Variants in IMMP2L observed in about 807,000 individuals in gnomAD.
IMMP2L encodes mitochondrial inner membrane protease subunit 2.
In IMMP2L, 18 loss-of-function variants were observed where a neutral mutation model predicts 19.3. The ratio of observed to expected loss-of-function variants is 0.93; its 90% CI spans 0.64 to 1.38. The LOEUF (loss-of-function observed/expected upper bound fraction) is 1.38, where lower values mean the gene tolerates loss of function less well. Among genes scored for constraint, IMMP2L ranks in the 40% most tolerant of loss-of-function variants. IMMP2L has a pLI of 0.00. For missense variants in IMMP2L, 233 were observed against 218.2 expected (o/e 1.07, Z -0.43); for synonymous variants, 76 against 73.0 (o/e 1.04, Z -0.21).
At chr7:111,232,307 A>G (rs148374543) in intron 3 of IMMP2L, among the ~76,000 whole-genome samples, 1 of 152,016 alleles carries the variant, frequency 6.6e-6, no homozygotes, top group East Asian at 1.9e-4. Flanking sequence ...ACAAACACCA[A>G]TAAAAATAGC....
intron 3 of IMMP2L, among the ~76,000 whole-genome samples, chr7:111,206,712 C>T (rs1018962506): frequency 7.9e-5 from 12 of 152,166 alleles, no homozygotes; most frequent in Admixed American, 3.3e-4. Flanking sequence ...ACTACAGTCA[C>T]TCTATTGTGC....
At chr7:111,433,452 G>A (rs1836837808) in intron 3 of IMMP2L, among the ~76,000 whole-genome samples, 1 of 151,778 alleles carries the variant, frequency 6.6e-6, no homozygotes, top group African/African-American at 2.4e-5. Context: ...TGATGAGGAA[G>A]ACATGAAAGC....
intron 5 of IMMP2L, among the ~76,000 whole-genome samples, chr7:110,868,171 G>C (rs1808182333): frequency 7.1e-6 from 1 of 140,252 alleles, no homozygotes; most frequent in Non-Finnish European, 1.5e-5. Context: ...CAGTGATACG[G>C]AGAGACAAGC....
At chr7:111,270,057 CTGTGTGTGTGTGTGTGTG>C (rs58848663) in intron 3 of IMMP2L, among the ~76,000 whole-genome samples, 1 of 140,520 alleles carries the variant, frequency 7.1e-6, no homozygotes, top group Non-Finnish European at 1.6e-5. Flanking sequence ...GCATGTGTGT[CTGTGTGTGTGTGTGTGTG>C]TGTGTGTGTG....
rs34795971 is a variant in IMMP2L, at chr7:111,217,097, GTCTCTCTC to G, written c.240-253540_240-253533del. Among the ~76,000 whole-genome samples, 53 of 126,880 alleles carry G rather than the reference GTCTCTCTC, an allele frequency of 4.2e-4. 1 individual carries two copies. Among genetic ancestry groups the G allele is most frequent in the East Asian group, 2.1e-3 (9 of 4,322 alleles). The allele number at this position is 126,880 out of a possible 152,430, so 83.2% of individuals were successfully genotyped here. A position where few individuals can be genotyped will look rare whatever the true frequency, so the allele number is the denominator to read the frequency against. ...TTCTGATCTCTCTCTCTCTCCCTCCGTCTCTCTCTCTCTCTCTCTCTCTCTCTCTCACA... is the reference window on the plus strand; with the variant it reads ...TTCTGATCTCTCTCTCTCTCCCTCCGTCTCTCTCTCTCTCTCTCTCTCACA... On this transcript the variant is annotated intron_variant, in intron 3 of 5. Transcript: ENST00000405709.
At chr7:111,029,367 C>T (rs935766663) in intron 3 of IMMP2L, among the ~76,000 whole-genome samples, 1 of 152,002 alleles carries the variant, frequency 6.6e-6, no homozygotes, top group Non-Finnish European at 1.5e-5. Flanking sequence ...GTGGTTGGGC[C>T]CTCTAGGGAA....
chr7:111,012,047 T>A (rs1019103313), intron 3 of IMMP2L, among the ~76,000 whole-genome samples: 2 of 152,060 alleles, frequency 1.3e-5, no homozygotes, highest in African/African-American at 2.4e-5. Flanking sequence ...CTGTCTATAT[T>A]GAGTAACAGA....
rs370612291 is a variant in IMMP2L, at chr7:110,870,551, AGTGT to A, written c.408+16038_408+16041del. ...TAGTAGCTAGAAGCAGGTGTGTGTG[AGTGT>A]GTGTGTGTGCACGCGCATGTGTGCG... On this transcript the variant is annotated intron_variant, in intron 5 of 5. Coordinates refer to ENST00000405709, the MANE Select transcript of IMMP2L (RefSeq NM_032549.4). This position sits in a 1 kb window ranked among gnomAD's most constrained non-coding sequence, Gnocchi z 4.2. Among the ~76,000 whole-genome samples, 45 of 151,958 alleles carry A rather than the reference AGTGT, an allele frequency of 3.0e-4. No individual in the cohort carries two copies. Among genetic ancestry groups the A allele is most frequent in the African/African-American group, 8.9e-4 (37 of 41,478 alleles).
chr7:111,176,155 T>G (rs1471590111), intron 3 of IMMP2L, among the ~76,000 whole-genome samples: 2 of 151,970 alleles, frequency 1.3e-5, no homozygotes, highest in African/African-American at 2.4e-5. Flanking sequence ...GAAACCCTTG[T>G]GCACTGCTGG....
intron 3 of IMMP2L, among the ~76,000 whole-genome samples, chr7:111,064,945 C>T (rs188714964): frequency 1.1e-3 from 174 of 152,222 alleles, no homozygotes; most frequent in Admixed American, 2.3e-3. Flanking sequence ...CAATCCAGGC[C>T]GGACTACAAA....
chr7:110,760,511 A>G lies in IMMP2L; in HGVS notation c.409-96790T>C, dbSNP rs1337282960. 6.6e-6 allele frequency among the ~76,000 whole-genome samples: 1 copy of G among 152,076 alleles called. No individual in the cohort carries two copies. The highest frequency in any genetic ancestry group is 2.1e-4 in the South Asian group (1 of 4,828). ...TAGACTGAGAAGTGGTCTATTACTC[A>G]CTGCTTTCAGCTTATATAAAAGAGT... On this transcript the variant is annotated intron_variant, in intron 5 of 5. Coordinates refer to ENST00000405709, the MANE Select transcript of IMMP2L (RefSeq NM_032549.4). The surrounding 1 kb of genome is among the most constrained non-coding windows in gnomAD (Gnocchi z 4.2).
At chr7:110,918,203 G>T (rs1297409610) in intron 4 of IMMP2L, among the ~76,000 whole-genome samples, 1 of 152,104 alleles carries the variant, frequency 6.6e-6, no homozygotes, top group African/African-American at 2.4e-5. Flanking sequence ...TCAAAACACA[G>T]ATTATGAAAT....
intron 3 of IMMP2L, among the ~76,000 whole-genome samples, chr7:110,996,074 C>A (rs940619221): frequency 4.6e-5 from 7 of 152,108 alleles, no homozygotes; most frequent in African/African-American, 1.7e-4. Context: ...TCTCTCTAAG[C>A]TTCAGTTTAT....
intron 5 of IMMP2L, among the ~76,000 whole-genome samples, chr7:110,798,106 T>C (rs1298471999): frequency 6.6e-6 from 1 of 152,092 alleles, no homozygotes; most frequent in Admixed American, 6.6e-5. Flanking sequence ...TATATATAAC[T>C]TTTATTTATC....
At chr7:110,972,537 T>G (rs1203047080) in intron 3 of IMMP2L, among the ~76,000 whole-genome samples, 2 of 152,030 alleles carry the variant, frequency 1.3e-5, no homozygotes, top group African/African-American at 2.4e-5. Flanking sequence ...TTGGAAAGGA[T>G]TTTTGGCAGC....
Position 111,372,624 on chromosome 7 carries a change from T to G in IMMP2L, c.239+114614A>C, listed in dbSNP as rs529098231. 1.2e-4 allele frequency among the ~76,000 whole-genome samples: 18 copies of G among 152,164 alleles called. No homozygotes were observed. In the South Asian group the frequency reaches 3.5e-3, roughly 30 times the overall value. Reference sequence around the variant, plus strand: ...TTCTTCTGATGAGTTCTGTTCTTTTTTTTTTAACATAAGCAAATTCTGTTT... The same window carrying G: ...TTCTTCTGATGAGTTCTGTTCTTTTGTTTTTAACATAAGCAAATTCTGTTT... On this transcript the variant is annotated intron_variant, in intron 3 of 5. Transcript: ENST00000405709.
intron 3 of IMMP2L, among the ~76,000 whole-genome samples, chr7:111,222,957 T>C (rs571201473): frequency 6.6e-5 from 10 of 152,096 alleles, no homozygotes; most frequent in East Asian, 1.9e-4. Context: ...ACATGAATTA[T>C]GGCATACTCA....
intron 3 of IMMP2L, among the ~76,000 whole-genome samples, chr7:111,030,677 CTTTA>C (rs1202209969): frequency 6.6e-6 from 1 of 151,946 alleles, no homozygotes; most frequent in African/African-American, 2.4e-5. Context: ...AATGTATTCA[CTTTA>C]TTTATATTAG....
At chr7:111,304,929 T>C (rs1822699966) in intron 3 of IMMP2L, among the ~76,000 whole-genome samples, 1 of 151,992 alleles carries the variant, frequency 6.6e-6, no homozygotes, top group South Asian at 2.1e-4. Flanking sequence ...AAGGAAAGTC[T>C]CGGAAATAAG....
Sources: gnomAD v4.1 joint callset for allele counts (sites outside exome capture counted in the v4.1 genomes callset) on GRCh38, gnomAD v4.1.1 for gene constraint, Gnocchi (gnomAD v3.1) non-coding constraint, MANE v1.5 for transcripts, NCBI Gene and HGNC (gene_info 2026-07-23, HGNC 2026-07-21) for gene names.